The following SDK1 variants were observed in gnomAD, a reference collection of about 807,000 sequenced individuals.
SDK1 encodes the protein protein sidekick-1.
In SDK1, 157 loss-of-function variants were observed where a neutral mutation model predicts 245.5. The observed-to-expected ratio is 0.64, with a 90% CI of 0.56 to 0.73. The LOEUF (loss-of-function observed/expected upper bound fraction) is 0.73. Ranked by LOEUF, SDK1 falls within the 30% of genes least tolerant of loss-of-function variation. The probability of loss-of-function intolerance (pLI) is 0.00; values close to 1 mark genes in which losing one functional copy is unlikely to be tolerated. For synonymous variants in SDK1, 1,647 were observed against 1,278.5 expected, an observed-to-expected ratio of 1.29 and a Z score of -6.15; for missense variants, 3,583 against 3,002.3, an observed-to-expected ratio of 1.19 and a Z score of -4.52.
chr7:4,157,374 A>G (rs9297134), intron 30 of SDK1, among the ~76,000 whole-genome samples: 3 of 99,158 alleles, frequency 3.0e-5, no homozygotes, highest in Non-Finnish European at 3.9e-5. Context: ...GGGAGGAAGA[A>G]GGGAGAGAAG....
At chr7:3,819,266 A>G (rs1779586699) in intron 4 of SDK1, among the ~76,000 whole-genome samples, 2 of 151,250 alleles carry the variant, frequency 1.3e-5, no homozygotes, top group Admixed American at 1.3e-4. Context: ...TTAAACCTTT[A>G]TAGAAATTAA....
chr7:4,018,683 A>G (rs1241434247), intron 17 of SDK1, among the ~76,000 whole-genome samples: 3 of 152,172 alleles, frequency 2.0e-5, no homozygotes, highest in African/African-American at 7.2e-5. Flanking sequence ...TGAGTTCTGC[A>G]TGGGGCAGAG....
chr7:3,640,038 G>C (rs993732130), intron 3 of SDK1, among the ~76,000 whole-genome samples: 3 of 151,916 alleles, frequency 2.0e-5, no homozygotes, highest in African/African-American at 7.3e-5. Context: ...TTTGTTTTTG[G>C]TAGGGGAGGG....
chr7:3,420,361 C>G (rs1211114094), intron 1 of SDK1, among the ~76,000 whole-genome samples: 3 of 152,206 alleles, frequency 2.0e-5, no homozygotes, highest in Non-Finnish European at 4.4e-5. Context: ...AACTACAACT[C>G]AGATCGTTTC....
At chr7:3,530,153 A>AC (rs1783293917) in intron 1 of SDK1, among the ~76,000 whole-genome samples, 1 of 152,166 alleles carries the variant, frequency 6.6e-6, no homozygotes, top group Non-Finnish European at 1.5e-5. Context: ...CATAAAAAGG[A>AC]CCCATTATAT....
intron 5 of SDK1, among the ~76,000 whole-genome samples, chr7:3,927,966 C>T (rs1779835183): frequency 6.6e-6 from 1 of 152,082 alleles, no homozygotes; most frequent in Non-Finnish European, 1.5e-5. Flanking sequence ...TGTGGGTGCT[C>T]AGTAGAGGAA....
chr7:3,418,844 C>T (rs1264537156), intron 1 of SDK1, among the ~76,000 whole-genome samples: 1 of 152,150 alleles, frequency 6.6e-6, no homozygotes, highest in African/African-American at 2.4e-5. Context: ...CGGGATCTCC[C>T]CTACCCCTCG....
At chr7:3,568,386 A>G (rs1339546924) in intron 1 of SDK1, among the ~76,000 whole-genome samples, 2 of 152,086 alleles carry the variant, frequency 1.3e-5, no homozygotes, top group African/African-American at 4.8e-5. Context: ...TTACCATAGT[A>G]ATCACTGTTC....
intron 1 of SDK1, among the ~76,000 whole-genome samples, chr7:3,568,189 A>G (rs1583175330): frequency 6.6e-6 from 1 of 152,332 alleles, no homozygotes; most frequent in Admixed American, 6.5e-5. Flanking sequence ...TTGATAATGG[A>G]TAAATGCATT....
At chr7:3,456,472 T>A (rs1030304868) in intron 1 of SDK1, among the ~76,000 whole-genome samples, 4 of 152,234 alleles carry the variant, frequency 2.6e-5, no homozygotes, top group African/African-American at 9.6e-5. Flanking sequence ...ACTGATTTTA[T>A]GCTTTGTTAT....
At chr7:4,145,308 A>G (rs1410651674) in intron 28 of SDK1, among the ~76,000 whole-genome samples, 1 of 152,068 alleles carries the variant, frequency 6.6e-6, no homozygotes, top group Non-Finnish European at 1.5e-5. Flanking sequence ...TGGGGAGGCC[A>G]TGCTGTCTTT....
intron 4 of SDK1, among the ~76,000 whole-genome samples, chr7:3,745,283 C>G (rs1168779453): frequency 1.3e-5 from 2 of 152,124 alleles, no homozygotes; most frequent in Non-Finnish European, 2.9e-5. Context: ...AATCCTAAAG[C>G]ATTGCTATTA....
rs147156647 is a variant in SDK1 at position 3,974,424 on chromosome 7, G to T, written c.1873G>T (p.Val625Leu). ...GACTCCATCGAGCACGTCTAGGATC[G>T]TGGTGGAGAAGGACGGGTCCCTTCT... Reference protein sequence around the residue: ...ALTPSSTSRIVVEKDGSLLIS... With the variant: ...ALTPSSTSRILVEKDGSLLIS... The change falls in exon 13 of 45, where the codon GTG (valine) becomes TTG (leucine). Residue 625 changes from valine (V) to leucine (L), a missense_variant. Coordinates refer to ENST00000404826, the MANE Select transcript of SDK1 (RefSeq NM_152744.4). The T allele has an allele frequency of 6.2e-7, 1 of 1,614,130 alleles. No individual in the cohort carries two copies. The highest frequency in any genetic ancestry group is 1.1e-5 in the South Asian group (1 of 91,078).
At position 3,952,710 on chromosome 7, in the gene SDK1, C is replaced by T. The variant is rs193068393; in HGVS notation, c.1150+790C>T. Among the ~76,000 whole-genome samples, 8 of 150,172 alleles carry T rather than the reference C, an allele frequency of 5.3e-5. No individual in the cohort carries two copies. In the East Asian group the frequency reaches 1.6e-3, roughly 29 times the overall value. On this transcript the variant is annotated intron_variant, in intron 7 of 44. Transcript: ENST00000404826. Reference sequence around the variant, plus strand: ...GTTAAACTTAAAAAAAAAAAGAGAACAGAGATGCTTCCTCAAACTGGGCGA... The same window carrying T: ...GTTAAACTTAAAAAAAAAAAGAGAATAGAGATGCTTCCTCAAACTGGGCGA...
chr7:3,949,948 C>CGGAAA (rs1780732677), intron 5 of SDK1, among the ~76,000 whole-genome samples: 1 of 152,196 alleles, frequency 6.6e-6, no homozygotes. Context: ...CACTGCTTTC[C>CGGAAA]AGTGACACCC....
chr7:3,703,577 C>G (rs1317817070), intron 4 of SDK1, among the ~76,000 whole-genome samples: 1 of 152,098 alleles, frequency 6.6e-6, no homozygotes, highest in African/African-American at 2.4e-5. Context: ...AGTGACAGAG[C>G]TATACTCACA....
At chr7:3,444,670 C>T (rs944968739) in intron 1 of SDK1, among the ~76,000 whole-genome samples, 3 of 152,144 alleles carry the variant, frequency 2.0e-5, no homozygotes, top group African/African-American at 7.2e-5. Flanking sequence ...TTCTTTTCAA[C>T]AGTCAGTTGT....
At chr7:4,126,826 T>G (rs1040506645) in intron 25 of SDK1, among the ~76,000 whole-genome samples, 5 of 152,266 alleles carry the variant, frequency 3.3e-5, no homozygotes, top group African/African-American at 1.2e-4. Context: ...TTTAGTTTTC[T>G]GATCGGTAGA....
chr7:3,619,551 G>C (rs192180364), intron 2 of SDK1, among the ~76,000 whole-genome samples: 70 of 152,222 alleles, frequency 4.6e-4, no homozygotes, highest in African/African-American at 1.6e-3. Flanking sequence ...ACTTTCCAAG[G>C]GCAACAGCCC....
Sources: allele counts gnomAD v4.1 joint callset (sites outside exome capture counted in the v4.1 genomes callset), GRCh38; gene constraint gnomAD v4.1.1; transcripts MANE v1.5; gene names NCBI Gene and HGNC (gene_info 2026-07-23, HGNC 2026-07-21).